Variants in EPOP observed in about 807,000 individuals in gnomAD.
EPOP encodes the protein elongin BC and Polycomb repressive complex 2-associated protein.
EPOP carries 14 observed loss-of-function variants against 18.2 expected under a neutral mutation model. The observed-to-expected ratio is 0.77, with a 90% CI of 0.51 to 1.20. The LOEUF (loss-of-function observed/expected upper bound fraction) is 1.20, where lower values mean the gene tolerates loss of function less well. EPOP is among the 50% of genes most tolerant of loss of function. EPOP has a pLI of 0.00. For missense variants in EPOP, 527 were observed against 577.2 expected (o/e 0.91, Z 0.89); for synonymous variants, 252 against 274.9 (o/e 0.92, Z 0.83).
Position 38,674,004 on chromosome 17 carries a change from G to A in EPOP, c.492C>T (p.Leu164=). The A allele has an allele frequency of 7.2e-7, 1 of 1,390,810 alleles. No individual in the cohort carries two copies. The highest frequency in any genetic ancestry group is 9.2e-7 in the Non-Finnish European group (1 of 1,084,886). 86.2% of individuals were successfully genotyped at this position (1,390,810 alleles called of 1,614,324 possible). ...ASAPPRPAPG[L]EPQRGPAASP... ...TGGCGGCTGGGCCACGCTGAGGCTC[G>A]AGACCCGGGGCCGGGCGAGGCGGGG... Residue 164 remains leucine, a synonymous_variant, in exon 1 of 1, where the codon CTC becomes CTT. Transcript: ENST00000621654. This position sits in a 1 kb window ranked among gnomAD's most constrained non-coding sequence, Gnocchi z 4.5.
In EPOP at chr17:38,671,786, A is replaced by C. The variant is rs2143605271; in HGVS notation, c.*1570T>G. The C allele has an allele frequency of 6.6e-6, 1 of 152,236 alleles. No individual in the cohort carries two copies. Among genetic ancestry groups the C allele is most frequent in the South Asian group, 2.1e-4 (1 of 4,830 alleles). The allele number at this position is 152,236 out of a possible 1,614,324, so 9.4% of individuals were successfully genotyped here. ...ATGCAAACAATAACAACTTTTTACA[A>C]AGCATTTTCACAGAAAAGGAGACAA... On this transcript the variant is annotated 3_prime_UTR_variant, in exon 1 of 1. Coordinates refer to ENST00000621654, the MANE Select transcript of EPOP (RefSeq NM_001130677.2).
In EPOP at chr17:38,674,223, C is replaced by T; in HGVS notation, c.273G>A (p.Trp91Ter). Reference protein sequence around the residue: ...GWAPDGLKHLWAPTGRPGVPN... With the variant: ...GWAPDGLKHL Reference sequence around the variant, plus strand: ...GAACGCCGGGCCGCCCGGTCGGTGCCCAGAGGTGCTTCAGGCCATCCGGGG... The same window carrying T: ...GAACGCCGGGCCGCCCGGTCGGTGCTCAGAGGTGCTTCAGGCCATCCGGGG... Residue 91 changes from tryptophan to a stop codon, truncating the protein, a stop_gained, in exon 1 of 1, where the codon TGG becomes TGA. Transcript: ENST00000621654. LOFTEE classifies it high-confidence loss of function. The surrounding 1 kb of genome is among the most constrained non-coding windows in gnomAD (Gnocchi z 4.5). 7.0e-7 allele frequency: 1 copy of T among 1,432,942 alleles called. No individual in the cohort carries two copies. The highest frequency in any genetic ancestry group is 2.4e-4 in the Middle Eastern group (1 of 4,226). 88.8% of individuals were successfully genotyped at this position (1,432,942 alleles called of 1,614,324 possible).
Position 38,673,029 on chromosome 17 carries a change from G to A in EPOP, c.*327C>T. Reference sequence around the variant, plus strand: ...CTTCTCCCCTTTTTTTTGGGTGGGGGGGTGTCTTTGAGCGGTGGCCTCCTT... The same window carrying A: ...CTTCTCCCCTTTTTTTTGGGTGGGGAGGTGTCTTTGAGCGGTGGCCTCCTT... On this transcript the variant is annotated 3_prime_UTR_variant, in exon 1 of 1. Coordinates refer to ENST00000621654, the MANE Select transcript of EPOP (RefSeq NM_001130677.2). 3.4e-6 allele frequency: 1 copy of A among 291,666 alleles called. No homozygotes were observed. Among genetic ancestry groups the A allele is most frequent in the Non-Finnish European group, 6.3e-6 (1 of 159,244 alleles). The allele number at this position is 291,666 out of a possible 1,614,324, so 18.1% of individuals were successfully genotyped here.
rs1366336267 is a variant in EPOP at position 38,673,920 on chromosome 17, C to T, written c.576G>A (p.Glu192=). The change falls in exon 1 of 1, where the codon GAG becomes GAA. Residue 192 remains glutamate, a synonymous_variant. Coordinates refer to ENST00000621654, the MANE Select transcript of EPOP (RefSeq NM_001130677.2). ...GCGGCGCCGTCCCGGGACCCGCGGG[C>T]TCGGTGGAGAGGCCCGCAGGTGGCG... The part of the protein sequence containing the change: ...PPSPPAGLST[E]PAGPGTAPRP... 2.2e-6 allele frequency: 3 copies of T among 1,388,396 alleles called. No individual in the cohort carries two copies. The highest frequency in any genetic ancestry group is 1.5e-5 in the African/African-American group (1 of 65,358). The allele number at this position is 1,388,396 out of a possible 1,614,324, so 86.0% of individuals were successfully genotyped here.
chr17:38,674,016 C>CGGGCGAGGCGG lies in EPOP; in HGVS notation c.469_479dup (p.Ala161ArgfsTer92). The stretch of plus-strand genomic sequence containing the variant: ...CACGCTGAGGCTCGAGACCCGGGGC[C>CGGGCGAGGCGG]GGGCGAGGCGGGGCCGAGGCGAAGC... On this transcript the variant is annotated frameshift_variant, in exon 1 of 1. Transcript: ENST00000621654. LOFTEE classifies it high-confidence loss of function. This position sits in a 1 kb window ranked among gnomAD's most constrained non-coding sequence, Gnocchi z 4.5. 7.2e-7 allele frequency: 1 copy of CGGGCGAGGCGG among 1,387,260 alleles called. No individual in the cohort carries two copies. The highest frequency in any genetic ancestry group is 9.2e-7 in the Non-Finnish European group (1 of 1,082,566). The allele number at this position is 1,387,260 out of a possible 1,614,324, so 85.9% of individuals were successfully genotyped here.
At position 38,673,578 on chromosome 17, in the gene EPOP, C is replaced by A; in HGVS notation, c.918G>T (p.Thr306=). The change falls in exon 1 of 1, where the codon ACG becomes ACT. Residue 306 remains threonine (T), a synonymous_variant. Transcript: ENST00000621654. ...RTAQPRRPAP[T]LPTTSTFSLL... ...GGCTGAAGGTGCTCGTGGTGGGGAG[C>A]GTCGGTGCAGGGCGGCGGGGCTGCG... 1 of 1,474,852 alleles carries A rather than the reference C, an allele frequency of 6.8e-7. No individual in the cohort carries two copies. The highest frequency in any genetic ancestry group is 9.0e-7 in the Non-Finnish European group (1 of 1,114,238). The allele number at this position is 1,474,852 out of a possible 1,614,324, so 91.4% of individuals were successfully genotyped here.
Position 38,673,526 on chromosome 17 carries a change from C to A in EPOP, c.970G>T (p.Ala324Ser), listed in dbSNP as rs1911011285. The change falls in exon 1 of 1, where the codon GCC becomes TCC. Residue 324 changes from alanine to serine, a missense_variant. Physicochemically the swap from Ala to Ser is moderately conservative, Grantham distance 99. Coordinates refer to ENST00000621654, the MANE Select transcript of EPOP (RefSeq NM_001130677.2). ...TCTCCGTCTTCCCCCACCACCAGGG[C>A]CGGGGGGCAGGGGAAGCAGTTGAGG... ...SLLNCFPCPP[A>S]LVVGEDGDLK... 1.3e-6 allele frequency: 2 copies of A among 1,519,280 alleles called. No individual in the cohort carries two copies. The highest frequency in any genetic ancestry group is 2.1e-5 in the Admixed American group (1 of 48,560). The allele number at this position is 1,519,280 out of a possible 1,614,324, so 94.1% of individuals were successfully genotyped here.
Position 38,672,582 on chromosome 17 carries a change from G to C in EPOP, c.*774C>G, listed in dbSNP as rs1177394673. 1 of 152,274 alleles carries C rather than the reference G, an allele frequency of 6.6e-6. No individual in the cohort carries two copies. Among genetic ancestry groups the C allele is most frequent in the Non-Finnish European group, 1.5e-5 (1 of 68,086 alleles). 9.4% of individuals were successfully genotyped at this position (152,274 alleles called of 1,614,324 possible). ...GCCCTACCCGTCCTAAGGGAAGTAA[G>C]TTGGGGGAGGGGGCTGATTAATCAA... is the stretch of plus-strand genomic sequence containing the variant. On this transcript the variant is annotated 3_prime_UTR_variant, in exon 1 of 1. Coordinates refer to ENST00000621654, the MANE Select transcript of EPOP (RefSeq NM_001130677.2).
rs918866112 is a variant in EPOP, at chr17:38,674,144, C to T, written c.352G>A (p.Glu118Lys). The T allele has an allele frequency of 5.5e-6, 8 of 1,448,806 alleles. No homozygotes were observed. The highest frequency in any genetic ancestry group is 7.2e-6 in the Non-Finnish European group (8 of 1,111,202). 89.7% of individuals were successfully genotyped at this position (1,448,806 alleles called of 1,614,324 possible). Residue 118 changes from glutamate (E) to lysine (K), a missense_variant, in exon 1 of 1, where the codon GAG becomes AAG. Glu to Lys is a moderately conservative substitution (Grantham distance 56, BLOSUM62 1). Coordinates refer to ENST00000621654, the MANE Select transcript of EPOP (RefSeq NM_001130677.2). This position sits in a 1 kb window ranked among gnomAD's most constrained non-coding sequence, Gnocchi z 4.5. ...AAACCGCCTCCGCCCTCTTCCTCCT[C>T]TCCGCGGCGGGGGCACGCTGCGACG... ...ADVAACPRRGEEEEGGGGFPH... is the reference protein window; with the variant it reads ...ADVAACPRRGKEEEGGGGFPH...
In EPOP at chr17:38,674,531, G is replaced by A. The variant is rs1333520739; in HGVS notation, c.-36C>T. The A allele has an allele frequency of 6.9e-7, 1 of 1,455,422 alleles. No individual in the cohort carries two copies. Among genetic ancestry groups the A allele is most frequent in the South Asian group, 1.3e-5 (1 of 74,336 alleles). The allele number at this position is 1,455,422 out of a possible 1,614,324, so 90.2% of individuals were successfully genotyped here. A position where few individuals can be genotyped will look rare whatever the true frequency, so the allele number is the denominator to read the frequency against. On this transcript the variant is annotated 5_prime_UTR_variant, in exon 1 of 1. Coordinates refer to ENST00000621654, the MANE Select transcript of EPOP (RefSeq NM_001130677.2). The surrounding 1 kb of genome is among the most constrained non-coding windows in gnomAD (Gnocchi z 4.5). Reference sequence around the variant, plus strand: ...GAGGGGTGCCCACTGAGCGGGTCCAGGTCCCAGCGGCGGGATGCCCTGGCT... The same window carrying A: ...GAGGGGTGCCCACTGAGCGGGTCCAAGTCCCAGCGGCGGGATGCCCTGGCT...
Position 38,673,507 on chromosome 17 carries a change from T to C in EPOP, c.989A>G (p.Asp330Gly). ...CGAGGATGCCGGCTTTAGGTCTCCG[T>C]CTTCCCCCACCACCAGGGCCGGGGG... ...PCPPALVVGE[D>G]GDLKPASSLR... Residue 330 changes from aspartate to glycine, a missense_variant, in exon 1 of 1, where the codon GAC becomes GGC. By Grantham distance (94) the Asp-to-Gly change is moderately conservative. Transcript: ENST00000621654. The C allele has an allele frequency of 6.5e-7, 1 of 1,529,974 alleles. No homozygotes were observed. Among genetic ancestry groups the C allele is most frequent in the Non-Finnish European group, 8.8e-7 (1 of 1,138,280 alleles). The allele number at this position is 1,529,974 out of a possible 1,614,324, so 94.8% of individuals were successfully genotyped here.
chr17:38,673,387 T>C lies in EPOP; in HGVS notation c.1109A>G (p.Lys370Arg), dbSNP rs1473181578. 1 of 1,462,484 alleles carries C rather than the reference T, an allele frequency of 6.8e-7. No individual in the cohort carries two copies. The highest frequency in any genetic ancestry group is 1.3e-5 in the South Asian group (1 of 79,832). The allele number at this position is 1,462,484 out of a possible 1,614,324, so 90.6% of individuals were successfully genotyped here. ...TTCATCCATGTTGATCCCCCAGAAT[T>C]TGAGGCCAGGGGGCTCAGGGACAGC... Reference protein sequence around the residue: ...GPAVPEPPGLKFWGINMDES With the variant: ...GPAVPEPPGLRFWGINMDES Residue 370 changes from lysine (K) to arginine (R), a missense_variant, in exon 1 of 1, where the codon AAA becomes AGA. By Grantham distance (26) the Lys-to-Arg change is conservative. Coordinates refer to ENST00000621654, the MANE Select transcript of EPOP (RefSeq NM_001130677.2).
chr17:38,674,596 T>A lies in EPOP; in HGVS notation c.-101A>T. Reference sequence around the variant, plus strand: ...CGGGTGAGGGGAACATCGCCCCCCGTCGACGGGGAGGTCTCTGCTCACGGG... The same window carrying A: ...CGGGTGAGGGGAACATCGCCCCCCGACGACGGGGAGGTCTCTGCTCACGGG... On this transcript the variant is annotated 5_prime_UTR_variant, in exon 1 of 1. Coordinates refer to ENST00000621654, the MANE Select transcript of EPOP (RefSeq NM_001130677.2). This position sits in a 1 kb window ranked among gnomAD's most constrained non-coding sequence, Gnocchi z 4.5. 1 of 1,246,442 alleles carries A rather than the reference T, an allele frequency of 8.0e-7. No homozygotes were observed. Among genetic ancestry groups the A allele is most frequent in the Non-Finnish European group, 1.1e-6 (1 of 947,910 alleles). 77.2% of individuals were successfully genotyped at this position (1,246,442 alleles called of 1,614,324 possible).
At position 38,672,176 on chromosome 17, in the gene EPOP, C is replaced by T. The variant is rs74408273; in HGVS notation, c.*1180G>A. 3,804 of 152,374 alleles carry T rather than the reference C, an allele frequency of 0.025. 173 individuals are homozygous for T. Among genetic ancestry groups the T allele is most frequent in the African/African-American group, 0.087 (3,598 of 41,524 alleles). 9.4% of individuals were successfully genotyped at this position (152,374 alleles called of 1,614,324 possible). On this transcript the variant is annotated 3_prime_UTR_variant, in exon 1 of 1. Transcript: ENST00000621654. Reference sequence around the variant, plus strand: ...GATCCATCAGATCTCTGACAACTCCCGCAATCCCTGAGGCTGGGGTGTTGC... The same window carrying T: ...GATCCATCAGATCTCTGACAACTCCTGCAATCCCTGAGGCTGGGGTGTTGC...
Position 38,673,699 on chromosome 17 carries a change from G to A in EPOP, c.797C>T (p.Pro266Leu), listed in dbSNP as rs1332978406. ...CYAKGFALDT[P>L]SLRRGPERPP... is the part of the protein sequence containing the mutation. ...CCGCTCTGGCCCCCGGCGCAAACTC[G>A]GAGTGTCCAAGGCGAAGCCCTTCGC... Residue 266 changes from proline (P) to leucine (L), a missense_variant, in exon 1 of 1, where the codon CCG (proline) becomes CTG (leucine). Transcript: ENST00000621654. The A allele has an allele frequency of 5.9e-6, 9 of 1,533,282 alleles. No individual in the cohort carries two copies. The East Asian group carries it at 2.3e-4, about 40-fold the overall frequency. 95.0% of individuals were successfully genotyped at this position (1,533,282 alleles called of 1,614,324 possible).
chr17:38,673,017 T>G lies in EPOP; in HGVS notation c.*339A>C. 7.8e-6 allele frequency: 2 copies of G among 255,124 alleles called. No homozygotes were observed. Among genetic ancestry groups the G allele is most frequent in the Non-Finnish European group, 1.5e-5 (2 of 135,632 alleles). 15.8% of individuals were successfully genotyped at this position (255,124 alleles called of 1,614,324 possible). On this transcript the variant is annotated 3_prime_UTR_variant, in exon 1 of 1. Coordinates refer to ENST00000621654, the MANE Select transcript of EPOP (RefSeq NM_001130677.2). The stretch of plus-strand genomic sequence containing the variant: ...CGAGGTCTCTCTCTTCTCCCCTTTT[T>G]TTTGGGTGGGGGGGTGTCTTTGAGC...
Position 38,673,924 on chromosome 17 carries a change from G to C in EPOP, c.572C>G (p.Thr191Ser), listed in dbSNP as rs1484287970. ...CGCCGTCCCGGGACCCGCGGGCTCGGTGGAGAGGCCCGCAGGTGGCGACGG... is the reference window on the plus strand; with the variant it reads ...CGCCGTCCCGGGACCCGCGGGCTCGCTGGAGAGGCCCGCAGGTGGCGACGG... ...RPPSPPAGLSTEPAGPGTAPR... is the reference protein window; with the variant it reads ...RPPSPPAGLSSEPAGPGTAPR... Residue 191 changes from threonine (T) to serine (S), a missense_variant, in exon 1 of 1, where the codon ACC becomes AGC. Transcript: ENST00000621654. The C allele has an allele frequency of 1.4e-6, 2 of 1,394,516 alleles. No individual in the cohort carries two copies. The highest frequency in any genetic ancestry group is 3.1e-5 in the African/African-American group (2 of 65,532). The allele number at this position is 1,394,516 out of a possible 1,614,324, so 86.4% of individuals were successfully genotyped here.
In EPOP at chr17:38,674,217, C is replaced by T; in HGVS notation, c.279G>A (p.Pro93=). The T allele has an allele frequency of 7.1e-7, 1 of 1,416,292 alleles. No individual in the cohort carries two copies. The highest frequency in any genetic ancestry group is 9.1e-7 in the Non-Finnish European group (1 of 1,096,222). 87.7% of individuals were successfully genotyped at this position (1,416,292 alleles called of 1,614,324 possible). A position where few individuals can be genotyped will look rare whatever the true frequency, so the allele number is the denominator to read the frequency against. ...APDGLKHLWA[P]TGRPGVPNTA... is the part of the protein sequence containing the mutation. ...TGTTAGGAACGCCGGGCCGCCCGGT[C>T]GGTGCCCAGAGGTGCTTCAGGCCAT... Residue 93 remains proline (P), a synonymous_variant, in exon 1 of 1, where the codon CCG becomes CCA. Transcript: ENST00000621654. This position sits in a 1 kb window ranked among gnomAD's most constrained non-coding sequence, Gnocchi z 4.5.
In EPOP at chr17:38,673,712, C is replaced by A; in HGVS notation, c.784G>T (p.Ala262Ser). The change falls in exon 1 of 1, where the codon GCC (alanine) becomes TCC (serine). Residue 262 changes from alanine (A) to serine (S), a missense_variant. Coordinates refer to ENST00000621654, the MANE Select transcript of EPOP (RefSeq NM_001130677.2). ...CGGCGCAAACTCGGAGTGTCCAAGG[C>A]GAAGCCCTTCGCGTAACACCAAAGT... The part of the protein sequence containing the change: ...SKLWCYAKGF[A>S]LDTPSLRRGP... The A allele has an allele frequency of 6.5e-7, 1 of 1,532,794 alleles. No individual in the cohort carries two copies. The highest frequency in any genetic ancestry group is 8.8e-7 in the Non-Finnish European group (1 of 1,140,200). The allele number at this position is 1,532,794 out of a possible 1,614,324, so 94.9% of individuals were successfully genotyped here. A position where few individuals can be genotyped will look rare whatever the true frequency, so the allele number is the denominator to read the frequency against.
Sources: gnomAD v4.1 joint callset for allele counts on GRCh38, gnomAD v4.1.1 for gene constraint, Gnocchi (gnomAD v3.1) non-coding constraint, MANE v1.5 for transcripts, NCBI Gene and HGNC (gene_info 2026-07-23, HGNC 2026-07-21) for gene names.